The following NLK variants were observed in gnomAD, a reference collection of about 807,000 sequenced individuals.
The protein encoded by NLK is nemo like kinase.
NLK carries 11 observed loss-of-function variants against 59.0 expected under a neutral mutation model. The observed-to-expected ratio is 0.19, with a 90% CI of 0.12 to 0.31. The LOEUF (loss-of-function observed/expected upper bound fraction) is 0.31, where lower values mean the gene tolerates loss of function less well. NLK is among the 10% of genes least tolerant of loss of function. The pLI, the probability that NLK is intolerant of heterozygous loss-of-function variation, is 1.00. For missense variants in NLK, 410 were observed against 661.1 expected (o/e 0.62, Z 4.16); for synonymous variants, 235 against 235.9 (o/e 1.00, Z 0.03).
the NLK span, among the ~76,000 whole-genome samples, chr17:28,202,213 G>A: frequency 6.6e-5 from 10 of 152,160 alleles, no homozygotes; most frequent in African/African-American, 1.9e-4. Context: ...CCTGAGCAAC[G>A]TAGTAAGACC....
In NLK at chr17:28,043,693, TTAAG is replaced by T. The variant is rs570929925; in HGVS notation, c.458+364_458+367del. 4.7e-4 allele frequency among the ~76,000 whole-genome samples: 72 copies of T among 152,338 alleles called. No individual in the cohort carries two copies. The South Asian group carries it at 0.013, about 27-fold the overall frequency. ...TGTTTGATTCAGTGGCCCTGTGGCA[TTAAG>T]TGTTAGCACCTGATCCAGACTGAAT... On this transcript the variant is annotated intron_variant, in intron 1 of 10. Transcript: ENST00000407008.
chr17:28,059,545 A>G (rs1276806734), intron 1 of NLK, among the ~76,000 whole-genome samples: 2 of 152,232 alleles, frequency 1.3e-5, no homozygotes, highest in Non-Finnish European at 2.9e-5. Context: ...TATCTAATAT[A>G]TCAAAACATA....
chr17:28,072,326 T>C (rs117832936), intron 1 of NLK, among the ~76,000 whole-genome samples: 2 of 150,444 alleles, frequency 1.3e-5, no homozygotes, highest in East Asian at 1.9e-4. Context: ...TTCTTCTTTT[T>C]CTTTTTTTTT....
At chr17:28,085,353 TAAAC>T (rs546309779) in intron 1 of NLK, among the ~76,000 whole-genome samples, 137 of 152,250 alleles carry the variant, frequency 9.0e-4, no homozygotes, top group African/African-American at 2.8e-3. Flanking sequence ...AATTTAAACT[TAAAC>T]AAGCGAAGAA....
At chr17:28,067,010 C>A (rs1034326349) in intron 1 of NLK, among the ~76,000 whole-genome samples, 1 of 152,130 alleles carries the variant, frequency 6.6e-6, no homozygotes, top group Non-Finnish European at 1.5e-5. Context: ...CTTTCAGATA[C>A]GTGATTTGCA....
intron 3 of NLK, among the ~76,000 whole-genome samples, chr17:28,157,667 T>C (rs1023927830): frequency 1.3e-5 from 2 of 152,146 alleles, no homozygotes; most frequent in African/African-American, 4.8e-5. Context: ...AAAAAAAGAA[T>C]AAGAAGATAA....
chr17:28,076,831 A>G (rs888384997), intron 1 of NLK, among the ~76,000 whole-genome samples: 2 of 152,158 alleles, frequency 1.3e-5, no homozygotes, highest in African/African-American at 4.8e-5. Context: ...TAACCAAATT[A>G]AGTGCAATGT....
At chr17:28,087,273 G>A (rs1910549332) in intron 1 of NLK, among the ~76,000 whole-genome samples, 1 of 152,100 alleles carries the variant, frequency 6.6e-6, no homozygotes, top group Admixed American at 6.6e-5. Flanking sequence ...TATATAGGCT[G>A]TCTATATGTG....
At chr17:28,077,079 T>C (rs949129263) in intron 1 of NLK, among the ~76,000 whole-genome samples, 7 of 138,766 alleles carry the variant, frequency 5.0e-5, no homozygotes, top group Non-Finnish European at 9.2e-5. Context: ...CTTTCTTTTT[T>C]TTTTTTTTTT....
chr17:28,186,821 C>T (rs1404878718), intron 8 of NLK, among the ~76,000 whole-genome samples: 1 of 152,178 alleles, frequency 6.6e-6, no homozygotes, highest in East Asian at 1.9e-4. Flanking sequence ...CACAGCCAAA[C>T]CATACCATGT....
chr17:28,155,111 A>G (rs1396617434), intron 3 of NLK, among the ~76,000 whole-genome samples: 1 of 152,242 alleles, frequency 6.6e-6, no homozygotes, highest in East Asian at 1.9e-4. Context: ...GAATTATAAT[A>G]TAGCCACACG....
At chr17:28,063,813 T>A (rs900860743) in intron 1 of NLK, among the ~76,000 whole-genome samples, 2 of 152,190 alleles carry the variant, frequency 1.3e-5, no homozygotes, top group African/African-American at 4.8e-5. Flanking sequence ...TAAGAATAAT[T>A]AAACTGAACG....
chr17:28,113,454 G>C (rs1250704769), intron 1 of NLK, among the ~76,000 whole-genome samples: 3 of 152,190 alleles, frequency 2.0e-5, no homozygotes, highest in Non-Finnish European at 4.4e-5. Flanking sequence ...ATTATTTCTT[G>C]ATTATATGCT....
At position 28,178,026 on chromosome 17, in the gene NLK, A is replaced by T. The variant is rs577044045; in HGVS notation, c.1149+5408A>T. ...TAATCGGGAAAGCAAAAGCTTTCCTAGAAGCCTGCTTAGCAAACTCCTGCT... is the reference window on the plus strand; with the variant it reads ...TAATCGGGAAAGCAAAAGCTTTCCTTGAAGCCTGCTTAGCAAACTCCTGCT... On this transcript the variant is annotated intron_variant, in intron 7 of 10. Coordinates refer to ENST00000407008, the MANE Select transcript of NLK (RefSeq NM_016231.5). Among the ~76,000 whole-genome samples the T allele has an allele frequency of 2.0e-5, 3 of 152,344 alleles. No individual in the cohort carries two copies. In the East Asian group the frequency reaches 5.8e-4, roughly 29 times the overall value.
In NLK at chr17:28,166,040, C is replaced by T. The variant is rs2142051923; in HGVS notation, c.838-2408C>T. Among the ~76,000 whole-genome samples the T allele has an allele frequency of 3.3e-5, 5 of 152,292 alleles. No individual in the cohort carries two copies. The Middle Eastern group carries it at 0.01, about 311-fold the overall frequency. On this transcript the variant is annotated intron_variant, in intron 5 of 10. Coordinates refer to ENST00000407008, the MANE Select transcript of NLK (RefSeq NM_016231.5). ...GACCAGCCTGGCCAACATGGCAAAACCCTGTCTCTACTAAAAATACAAAAA... is the reference window on the plus strand; with the variant it reads ...GACCAGCCTGGCCAACATGGCAAAATCCTGTCTCTACTAAAAATACAAAAA...
intron 1 of NLK, among the ~76,000 whole-genome samples, chr17:28,066,581 A>G (rs1327091065): frequency 1.3e-5 from 2 of 152,206 alleles, no homozygotes; most frequent in Non-Finnish European, 2.9e-5. Flanking sequence ...ATGAATATTC[A>G]TTTACAATAT....
At chr17:28,129,289 C>G (rs969463276) in intron 2 of NLK, among the ~76,000 whole-genome samples, 6 of 152,080 alleles carry the variant, frequency 3.9e-5, no homozygotes, top group Non-Finnish European at 8.8e-5. Context: ...CCCGTCTCTA[C>G]TAAAAATACA....
chr17:28,197,430 G>A (rs1179502539), downstream of NLK, among the ~76,000 whole-genome samples: 1 of 150,346 alleles, frequency 6.7e-6, no homozygotes, highest in East Asian at 2.0e-4. Context: ...GATCGTGCCA[G>A]TGCACTCCAG....
chr17:28,076,542 C>G (rs1235080751), intron 1 of NLK, among the ~76,000 whole-genome samples: 6 of 152,198 alleles, frequency 3.9e-5, no homozygotes, highest in African/African-American at 1.4e-4. Context: ...CTCACACATT[C>G]AGTCCAAAGC....
Sources: allele counts gnomAD v4.1 joint callset (sites outside exome capture counted in the v4.1 genomes callset), GRCh38; gene constraint gnomAD v4.1.1; transcripts MANE v1.5; gene names NCBI Gene and HGNC (gene_info 2026-07-23, HGNC 2026-07-21).